Variants in AFAP1L2 observed in about 807,000 individuals in gnomAD.
AFAP1L2 encodes the protein actin filament associated protein 1 like 2.
In AFAP1L2, 46 loss-of-function variants were observed where a neutral mutation model predicts 99.3. The ratio of observed to expected loss-of-function variants is 0.46; its 90% CI spans 0.37 to 0.59. The LOEUF (loss-of-function observed/expected upper bound fraction) is 0.59. Ranked by LOEUF, AFAP1L2 falls within the 20% of genes least tolerant of loss-of-function variation. The pLI, the probability that AFAP1L2 is intolerant of heterozygous loss-of-function variation, is 0.00. For missense variants in AFAP1L2, 959 were observed against 1,034.9 expected, an observed-to-expected ratio of 0.93 and a Z score of 1.01; for synonymous variants, 397 against 419.1, an observed-to-expected ratio of 0.95 and a Z score of 0.64.
At chr10:114,311,374 C>G (rs1489582392) in intron 7 of AFAP1L2, among the ~76,000 whole-genome samples, 1 of 152,220 alleles carries the variant, frequency 6.6e-6, no homozygotes, top group Non-Finnish European at 1.5e-5. Context: ...TTTCATAGAT[C>G]CCCCTCTTTC....
chr10:114,282,597 G>A, the AFAP1L2 span: 5 of 1,606,148 alleles, frequency 3.1e-6, no homozygotes, highest in Non-Finnish European at 2.6e-6. Context: ...TGGATTTACA[G>A]GTTCTTTCAG....
intron 1 of AFAP1L2, among the ~76,000 whole-genome samples, chr10:114,381,381 A>T (rs987735150): frequency 6.6e-6 from 1 of 152,192 alleles, no homozygotes; most frequent in African/African-American, 2.4e-5. Context: ...GATGAGGATG[A>T]GGAGAGGAGG....
chr10:114,323,243 G>A lies in AFAP1L2; in HGVS notation c.334C>T (p.Leu112Phe), dbSNP rs534585188. The change falls in exon 5 of 19, where the codon CTT (leucine) becomes TTT (phenylalanine). Residue 112 changes from leucine (L) to phenylalanine (F), a missense_variant. By Grantham distance (22) the Leu-to-Phe change is conservative (BLOSUM62 0). Coordinates refer to ENST00000304129, the MANE Select transcript of AFAP1L2 (RefSeq NM_001001936.3). The part of the protein sequence containing the change: ...PPKMIPERKQ[L>F]AIPKTESPEG... ...GGAGACTCCGTCTTTGGGATGGCAAGCTGTTTCCGTTCTGGAATCTGTGGT... is the reference window on the plus strand; with the variant it reads ...GGAGACTCCGTCTTTGGGATGGCAAACTGTTTCCGTTCTGGAATCTGTGGT... 34 of 1,597,896 alleles carry A rather than the reference G, an allele frequency of 2.1e-5. No homozygotes were observed. The highest frequency in any genetic ancestry group is 2.7e-5 in the Non-Finnish European group (32 of 1,171,026).
chr10:114,360,463 A>C (rs1030815222), intron 1 of AFAP1L2, among the ~76,000 whole-genome samples: 1 of 151,416 alleles, frequency 6.6e-6, no homozygotes, highest in Non-Finnish European at 1.5e-5. Flanking sequence ...CCAAATAGAT[A>C]GATACCTCGA....
intron 1 of AFAP1L2, among the ~76,000 whole-genome samples, chr10:114,366,000 T>C (rs550297934): frequency 2.0e-5 from 3 of 152,226 alleles, no homozygotes; most frequent in African/African-American, 7.2e-5. Context: ...CCTCCCAAAG[T>C]GCTGAGATTA....
intron 15 of AFAP1L2, 86 bp from the exon 16 acceptor site, chr10:114,299,501 C>G: frequency 6.5e-7 from 1 of 1,541,216 alleles, no homozygotes; most frequent in Non-Finnish European, 8.8e-7. Context: ...TCGGATAGAA[C>G]CTGGGGCTTT....
At chr10:114,325,671 C>T (rs2135364320) in intron 4 of AFAP1L2, among the ~76,000 whole-genome samples, 1 of 152,352 alleles carries the variant, frequency 6.6e-6, no homozygotes, top group African/African-American at 2.4e-5. Context: ...CAGCCAGGCC[C>T]TAGCAGACAA....
intron 15 of AFAP1L2, 72 bp downstream of exon 15, chr10:114,300,122 A>G (rs1366500579): frequency 1.4e-5 from 23 of 1,599,344 alleles, no homozygotes; most frequent in Non-Finnish European, 1.7e-5. Context: ...CATCTATCCT[A>G]TTAGTTCTGT....
intron 1 of AFAP1L2, among the ~76,000 whole-genome samples, chr10:114,357,525 A>G (rs2051575383): frequency 6.6e-6 from 1 of 152,222 alleles, no homozygotes; most frequent in South Asian, 2.1e-4. Flanking sequence ...TAGTGACTGC[A>G]TAGCCAATAT....
At chr10:114,319,651 T>A in intron 5 of AFAP1L2, 1 of 1,289,230 alleles carries the variant, frequency 7.8e-7, no homozygotes. Context: ...GTGACCTGCA[T>A]AACATCCAGG....
rs561728287 is a variant in AFAP1L2, at chr10:114,372,815, A to G, written c.16+31625T>C. Among the ~76,000 whole-genome samples the G allele has an allele frequency of 2.0e-5, 3 of 152,274 alleles. No homozygotes were observed. The South Asian group carries it at 6.2e-4, about 32-fold the overall frequency. The stretch of plus-strand genomic sequence containing the variant: ...ATCCTTCCAGGAATTTCCTATGCAT[A>G]ATATTCTCTACATAAGATATTCACA... On this transcript the variant is annotated intron_variant, in intron 1 of 18. Transcript: ENST00000304129.
chr10:114,335,395 G>T (rs537551697), intron 2 of AFAP1L2, among the ~76,000 whole-genome samples: 1 of 151,992 alleles, frequency 6.6e-6, no homozygotes, highest in Non-Finnish European at 1.5e-5. Context: ...GGCGGATCAC[G>T]AGGTCAGGAG....
chr10:114,296,170 T>G (rs2040192527), intron 18 of AFAP1L2, 102 bp from the exon 19 acceptor site: 1 of 1,489,316 alleles, frequency 6.7e-7, no homozygotes. Context: ...TGAGAAAAAC[T>G]ATTTTAGGCA....
At position 114,302,319 on chromosome 10, in the gene AFAP1L2, G is replaced by A. The variant is rs367614025; in HGVS notation, c.1430+20C>T. The A allele has an allele frequency of 7.1e-5, 114 of 1,613,980 alleles. No homozygotes were observed. The highest frequency in any genetic ancestry group is 8.1e-5 in the Non-Finnish European group (96 of 1,179,990). On this transcript the variant is annotated intron_variant, in intron 12 of 18. Transcript: ENST00000304129. ...GCCAGGAATAAGAGAGTGTACGGAGGAAGGGTCCAAATTACTCACAAGAGA... is the reference window on the plus strand; with the variant it reads ...GCCAGGAATAAGAGAGTGTACGGAGAAAGGGTCCAAATTACTCACAAGAGA...
intron 7 of AFAP1L2, among the ~76,000 whole-genome samples, chr10:114,312,202 G>A (rs2043350039): frequency 6.6e-6 from 1 of 151,680 alleles, no homozygotes; most frequent in South Asian, 2.1e-4. Context: ...AGCAGTCAGA[G>A]GAACAGAGCG....
At position 114,315,500 on chromosome 10, in the gene AFAP1L2, G is replaced by A. The variant is rs2043973767; in HGVS notation, c.612+60C>T. The A allele has an allele frequency of 4.0e-6, 6 of 1,505,092 alleles. No individual in the cohort carries two copies. In the East Asian group the frequency reaches 1.4e-4, roughly 36 times the overall value. 93.2% of individuals were successfully genotyped at this position (1,505,092 alleles called of 1,614,324 possible). A position where few individuals can be genotyped will look rare whatever the true frequency, so the allele number is the denominator to read the frequency against. On this transcript the variant is annotated intron_variant, in intron 6 of 18. Coordinates refer to ENST00000304129, the MANE Select transcript of AFAP1L2 (RefSeq NM_001001936.3). The stretch of plus-strand genomic sequence containing the variant: ...GGGACCATCCTGTCCCTCCTTCCCT[G>A]TCCCTGCCCCTTCCCCAAGGAGAGG...
chr10:114,307,878 C>T lies in AFAP1L2; in HGVS notation c.999G>A (p.Leu333=). 1 of 1,614,154 alleles carries T rather than the reference C, an allele frequency of 6.2e-7. No homozygotes were observed. The highest frequency in any genetic ancestry group is 1.3e-5 in the African/African-American group (1 of 75,044). The change falls in exon 10 of 19, where the codon CTG becomes CTA. Residue 333 remains leucine (L), a synonymous_variant. Transcript: ENST00000304129. ...TCCTGCCCAGATTCATTAGGTTGCTCAGTTTGAGGCCAGCAGAACATTTCT... is the reference window on the plus strand; with the variant it reads ...TCCTGCCCAGATTCATTAGGTTGCTTAGTTTGAGGCCAGCAGAACATTTCT... ...VKKKCSAGLK[L]SNLMNLGRKK... is the part of the protein sequence containing the mutation.
chr10:114,333,139 A>G, intron 3 of AFAP1L2, 82 bp downstream of exon 3: 1 of 1,271,174 alleles, frequency 7.9e-7, no homozygotes, highest in Non-Finnish European at 1.1e-6. Context: ...GGGAGGAAAG[A>G]GAGGTGGGAC....
chr10:114,369,927 GC>G (rs1175729162), intron 1 of AFAP1L2, among the ~76,000 whole-genome samples: 1 of 152,108 alleles, frequency 6.6e-6, no homozygotes, highest in East Asian at 1.9e-4. Context: ...GGTTCTACCT[GC>G]CCACATACAG....
Sources: allele counts gnomAD v4.1 joint callset (sites outside exome capture counted in the v4.1 genomes callset), GRCh38; gene constraint gnomAD v4.1.1; transcripts MANE v1.5; gene names NCBI Gene and HGNC (gene_info 2026-07-23, HGNC 2026-07-21).